DIP2C: variants seen among roughly 807,000 people sequenced by gnomAD.
The protein encoded by DIP2C is DIP2 acetate--CoA ligase C (putative).
DIP2C carries 33 observed loss-of-function variants against 192.4 expected under a neutral mutation model. That is an observed-to-expected ratio of 0.17 (90% CI 0.13 to 0.23). The LOEUF is 0.23. Ranked by LOEUF, DIP2C falls within the 10% of genes least tolerant of loss-of-function variation. The pLI, the probability that DIP2C is intolerant of heterozygous loss-of-function variation, is 1.00. For synonymous variants in DIP2C, 979 were observed against 864.1 expected, an observed-to-expected ratio of 1.13 and a Z score of -2.33; for missense variants, 1,537 against 2,110.1, an observed-to-expected ratio of 0.73 and a Z score of 5.32.
chr10:420,996 C>T (rs1320251568), intron 5 of DIP2C, among the ~76,000 whole-genome samples: 4 of 152,332 alleles, frequency 2.6e-5, no homozygotes, highest in African/African-American at 9.6e-5. Context: ...CTGATTATCT[C>T]ACAAGGTCAA....
chr10:580,203 CAT>C (rs879891972), intron 1 of DIP2C, among the ~76,000 whole-genome samples: 22 of 151,196 alleles, frequency 1.5e-4, no homozygotes, highest in East Asian at 1.4e-3. Flanking sequence ...TACATATGCA[CAT>C]ATATATAATG....
chr10:423,984 A>G (rs371664234), intron 4 of DIP2C, among the ~76,000 whole-genome samples: 18 of 152,252 alleles, frequency 1.2e-4, no homozygotes, highest in African/African-American at 4.3e-4. Context: ...AAATACATCA[A>G]TTTTTTCACT....
intron 32 of DIP2C, among the ~76,000 whole-genome samples, chr10:304,592 T>G (rs1166162777): frequency 1.3e-5 from 2 of 152,270 alleles, no homozygotes; most frequent in East Asian, 3.9e-4. Flanking sequence ...TATATGCATG[T>G]GTGTATACTT....
At chr10:389,709 G>A (rs186832964) in intron 13 of DIP2C, among the ~76,000 whole-genome samples, 3 of 152,326 alleles carry the variant, frequency 2.0e-5, no homozygotes, top group East Asian at 1.9e-4. Flanking sequence ...CACCTCCTAC[G>A]AGAAACCTGG....
At chr10:573,858 T>C (rs1849979535) in intron 1 of DIP2C, among the ~76,000 whole-genome samples, 1 of 152,164 alleles carries the variant, frequency 6.6e-6, no homozygotes, top group African/African-American at 2.4e-5. Flanking sequence ...AAGAATAAAA[T>C]GTATTTTATT....
chr10:383,957 C>T, intron 16 of DIP2C, 70 bp downstream of exon 16: 8 of 1,352,952 alleles, frequency 5.9e-6, no homozygotes, highest in Non-Finnish European at 7.5e-6. Flanking sequence ...AGCCTGCCTG[C>T]CTCACGAAAA....
intron 32 of DIP2C, among the ~76,000 whole-genome samples, chr10:290,503 G>A (rs977102235): frequency 1.3e-5 from 2 of 152,198 alleles, no homozygotes; most frequent in Admixed American, 6.5e-5. Flanking sequence ...TTGGGATGTC[G>A]GCAGGACATG....
chr10:430,380 C>T (rs1449217973), intron 4 of DIP2C: 1 of 152,170 alleles, frequency 6.6e-6, no homozygotes, highest in Non-Finnish European at 1.5e-5. Flanking sequence ...TGGGTTGACG[C>T]CGAACTTAGT....
intron 4 of DIP2C, among the ~76,000 whole-genome samples, chr10:428,931 T>A (rs1000900597): frequency 4.6e-5 from 7 of 152,134 alleles, no homozygotes; most frequent in African/African-American, 1.7e-4. Context: ...TTTCCAGCTT[T>A]ATAGTGATGT....
At chr10:639,758 A>G (rs1204221482) in intron 1 of DIP2C, among the ~76,000 whole-genome samples, 1 of 152,212 alleles carries the variant, frequency 6.6e-6, no homozygotes, top group East Asian at 1.9e-4. Context: ...TACAGATTAC[A>G]TCAAGGCCCT....
intron 1 of DIP2C, among the ~76,000 whole-genome samples, chr10:613,149 G>C (rs1403845347): frequency 6.6e-6 from 1 of 152,194 alleles, no homozygotes; most frequent in African/African-American, 2.4e-5. Flanking sequence ...CATTTCAGGG[G>C]AAATTACCAG....
chr10:620,771 G>C (rs1853803653), intron 1 of DIP2C, among the ~76,000 whole-genome samples: 1 of 152,222 alleles, frequency 6.6e-6, no homozygotes, highest in East Asian at 1.9e-4. Flanking sequence ...ACTTTGGACT[G>C]AAAGTTATCC....
chr10:512,577 C>T (rs1383413238), intron 1 of DIP2C, among the ~76,000 whole-genome samples: 2 of 151,646 alleles, frequency 1.3e-5, no homozygotes, highest in East Asian at 1.9e-4. Context: ...AGAGTGAGAC[C>T]CCATCTCAAA....
chr10:596,099 G>A (rs2131666973), intron 1 of DIP2C, among the ~76,000 whole-genome samples: 1 of 152,252 alleles, frequency 6.6e-6, no homozygotes, highest in South Asian at 2.1e-4. Context: ...CACGGCTAAA[G>A]GACCTTTTTT....
chr10:382,439 G>A (rs1012574637), intron 17 of DIP2C: 2 of 501,318 alleles, frequency 4.0e-6, no homozygotes, highest in Non-Finnish European at 7.1e-6. Flanking sequence ...AAACTGCAGA[G>A]AGCGATAAAT....
intron 4 of DIP2C, among the ~76,000 whole-genome samples, chr10:440,245 G>A (rs547321437): frequency 6.6e-6 from 1 of 152,182 alleles, no homozygotes; most frequent in East Asian, 1.9e-4. Context: ...GATCGGGGTT[G>A]GCACATCTGT....
At chr10:474,834 C>T (rs1970934356) in intron 2 of DIP2C, among the ~76,000 whole-genome samples, 1 of 152,192 alleles carries the variant, frequency 6.6e-6, no homozygotes, top group Non-Finnish European at 1.5e-5. Context: ...ATGCTATAAT[C>T]CTTATGTAAT....
chr10:385,585 G>A (rs1480495001), intron 14 of DIP2C, among the ~76,000 whole-genome samples: 1 of 152,186 alleles, frequency 6.6e-6, no homozygotes, highest in Non-Finnish European at 1.5e-5. Context: ...TCTGGCTCTG[G>A]CCGGGCCTTG....
intron 17 of DIP2C, among the ~76,000 whole-genome samples, chr10:377,430 C>G (rs1010414705): frequency 6.6e-6 from 1 of 152,246 alleles, no homozygotes; most frequent in African/African-American, 2.4e-5. Flanking sequence ...TGAAATTAAA[C>G]AGGAAACTTG....
Sources: gnomAD v4.1 joint callset for allele counts (sites outside exome capture counted in the v4.1 genomes callset) on GRCh38, gnomAD v4.1.1 for gene constraint, MANE v1.5 for transcripts, NCBI Gene and HGNC (gene_info 2026-07-23, HGNC 2026-07-21) for gene names.